The following JMJD1C variants were observed in gnomAD, a reference collection of about 807,000 sequenced individuals.
JMJD1C encodes the protein jumonji domain containing 1C.
Under a neutral mutation model 245.3 loss-of-function variants are expected in JMJD1C, and 31 were observed. That is an observed-to-expected ratio of 0.13 (90% confidence interval 0.09 to 0.17). The LOEUF (loss-of-function observed/expected upper bound fraction) is 0.17, where lower values mean the gene tolerates loss of function less well. JMJD1C is among the 10% of genes least tolerant of loss of function. The probability of loss-of-function intolerance (pLI) is 1.00; values close to 1 mark genes in which losing one functional copy is unlikely to be tolerated. For missense variants in JMJD1C, 2,691 were observed against 3,000.2 expected (o/e 0.90, Z 2.41); for synonymous variants, 1,057 against 1,017.4 (o/e 1.04, Z -0.74).
At chr10:63,272,197 A>G (rs1425488074) in intron 2 of JMJD1C, among the ~76,000 whole-genome samples, 2 of 152,226 alleles carry the variant, frequency 1.3e-5, no homozygotes, top group South Asian at 2.1e-4. Flanking sequence ...GACTGTGAGT[A>G]AAGTATGGCT....
At chr10:63,359,958 T>C (rs1225428078) in intron 2 of JMJD1C, among the ~76,000 whole-genome samples, 2 of 152,090 alleles carry the variant, frequency 1.3e-5, no homozygotes, top group African/African-American at 4.8e-5. Flanking sequence ...AAAAAAGGTA[T>C]GGAAGACCTT....
At chr10:63,376,613 G>C (rs144015966) in intron 2 of JMJD1C, among the ~76,000 whole-genome samples, 2 of 152,018 alleles carry the variant, frequency 1.3e-5, no homozygotes, top group Non-Finnish European at 2.9e-5. Context: ...AACAGGCAAA[G>C]AACTTTATGA....
rs139374030 is a variant in JMJD1C at position 63,337,624 on chromosome 10, A to AAAAGGAAAAGAAAAGAAAAG, written c.333+42693_333+42694insCTTTTCTTTTCTTTTCCTTT. The stretch of plus-strand genomic sequence containing the variant: ...AAAAGAAAAGAAAAGAAAAGAAAAG[A>AAAAGGAAAAGAAAAGAAAAG]AAAAGAAAAGAAAAAAAATCCGCTA... On this transcript the variant is annotated intron_variant, in intron 2 of 25. Coordinates refer to ENST00000399262, the MANE Select transcript of JMJD1C (RefSeq NM_032776.3). 3.5e-4 allele frequency among the ~76,000 whole-genome samples: 21 copies of AAAAGGAAAAGAAAAGAAAAG among 60,224 alleles called. 1 individual carries two copies. Among genetic ancestry groups the AAAAGGAAAAGAAAAGAAAAG allele is most frequent in the African/African-American group, 1.3e-3 (17 of 13,526 alleles). 39.5% of individuals were successfully genotyped at this position (60,224 alleles called of 152,430 possible).
At chr10:63,386,735 G>A (rs1309667676) in intron 1 of JMJD1C, among the ~76,000 whole-genome samples, 1 of 152,214 alleles carries the variant, frequency 6.6e-6, no homozygotes, top group Non-Finnish European at 1.5e-5. Flanking sequence ...GGTTCCAGGG[G>A]GTTGTCTTGC....
chr10:63,487,123 G>T (rs1012873471), intron 1 of JMJD1C, among the ~76,000 whole-genome samples: 1 of 152,270 alleles, frequency 6.6e-6, no homozygotes, highest in South Asian at 2.1e-4. Flanking sequence ...TAAGAGGAAG[G>T]TATGATATAG....
chr10:63,417,184 T>C (rs1340623846), intron 1 of JMJD1C, among the ~76,000 whole-genome samples: 1 of 152,172 alleles, frequency 6.6e-6, no homozygotes, highest in Admixed American at 6.5e-5. Flanking sequence ...TCAGGAAACT[T>C]GCCCAATTAT....
At chr10:63,355,468 T>C (rs548436943) in intron 2 of JMJD1C, among the ~76,000 whole-genome samples, 1 of 152,302 alleles carries the variant, frequency 6.6e-6, no homozygotes, top group African/African-American at 2.4e-5. Flanking sequence ...TAACAGAGAA[T>C]TGTTCCATCA....
intron 2 of JMJD1C, among the ~76,000 whole-genome samples, chr10:63,355,776 A>G (rs1207592185): frequency 1.3e-5 from 2 of 152,094 alleles, no homozygotes; most frequent in African/African-American, 4.8e-5. Context: ...GCTCATGTGC[A>G]TTTATCTTAG....
intron 2 of JMJD1C, among the ~76,000 whole-genome samples, chr10:63,342,380 C>T (rs1943458433): frequency 6.6e-6 from 1 of 152,120 alleles, no homozygotes; most frequent in African/African-American, 2.4e-5. Context: ...AAAGAGAGAC[C>T]TCTAAGACAA....
chr10:63,233,757 GCA>G (rs10565803), intron 3 of JMJD1C, among the ~76,000 whole-genome samples: 20,132 of 148,070 alleles, frequency 0.14, 2,359 homozygotes, highest in African/African-American at 0.31. Context: ...ACACGCGCGT[GCA>G]CACACACACA....
At chr10:63,465,991 C>T (rs578065500), upstream of JMJD1C, 3 of 301,274 alleles carry the variant, frequency 1.0e-5, no homozygotes, top group Non-Finnish European at 1.9e-5. Flanking sequence ...CCGTCTCCCT[C>T]CCCGGGCAGC....
At chr10:63,363,820 G>A (rs1945613309) in intron 2 of JMJD1C, among the ~76,000 whole-genome samples, 1 of 151,164 alleles carries the variant, frequency 6.6e-6, no homozygotes, top group Non-Finnish European at 1.5e-5. Flanking sequence ...CCGGGTAGCT[G>A]GGACTATAGG....
At chr10:63,445,678 C>T (rs1447434758) in intron 1 of JMJD1C, among the ~76,000 whole-genome samples, 3 of 151,948 alleles carry the variant, frequency 2.0e-5, no homozygotes, top group Admixed American at 2.0e-4. Flanking sequence ...TTGCTATAGG[C>T]ACTATAGACT....
intron 23 of JMJD1C, chr10:63,177,486 A>G: frequency 2.0e-6 from 1 of 506,280 alleles, no homozygotes; most frequent in South Asian, 2.3e-5. Context: ...CAGGGAATGG[A>G]GGCACACTAC....
intron 2 of JMJD1C, among the ~76,000 whole-genome samples, chr10:63,379,744 T>C (rs1360146749): frequency 6.6e-6 from 1 of 152,224 alleles, no homozygotes; most frequent in African/African-American, 2.4e-5. Flanking sequence ...TTTAATTTGA[T>C]AGAATAAACT....
At chr10:63,366,706 A>C (rs1168592033) in intron 2 of JMJD1C, among the ~76,000 whole-genome samples, 1 of 152,266 alleles carries the variant, frequency 6.6e-6, no homozygotes, top group African/African-American at 2.4e-5. Flanking sequence ...AGTGGAATTT[A>C]CAAATAATAG....
At chr10:63,168,934 T>G (rs1436306099) in intron 24 of JMJD1C, among the ~76,000 whole-genome samples, 1 of 152,192 alleles carries the variant, frequency 6.6e-6, no homozygotes, top group Non-Finnish European at 1.5e-5. Context: ...TCTATCTGAG[T>G]ATGTTTATTG....
chr10:63,485,702 C>G (rs1953971145), intron 1 of JMJD1C, among the ~76,000 whole-genome samples: 1 of 152,170 alleles, frequency 6.6e-6, no homozygotes, highest in Non-Finnish European at 1.5e-5. Context: ...ACCTTTGGCA[C>G]AACATCCAGC....
rs759337729 is a variant in JMJD1C, at chr10:63,380,199, C to T, written c.333+119G>A. 201 of 988,198 alleles carry T rather than the reference C, an allele frequency of 2.0e-4. 1 individual carries two copies. The East Asian group carries it at 4.5e-3, about 22-fold the overall frequency. 61.2% of individuals were successfully genotyped at this position (988,198 alleles called of 1,614,324 possible). A position where few individuals can be genotyped will look rare whatever the true frequency, so the allele number is the denominator to read the frequency against. The stretch of plus-strand genomic sequence containing the variant: ...CTTCAAGCAATTGTCCTGCTTCAGC[C>T]TCTCAAAGTGCTAGTTTTACAGGTG... On this transcript the variant is annotated intron_variant, in intron 2 of 25. Coordinates refer to ENST00000399262, the MANE Select transcript of JMJD1C (RefSeq NM_032776.3).
Sources: allele counts gnomAD v4.1 joint callset (sites outside exome capture counted in the v4.1 genomes callset), GRCh38; gene constraint gnomAD v4.1.1; transcripts MANE v1.5; gene names NCBI Gene and HGNC (gene_info 2026-07-23, HGNC 2026-07-21).